Variants in NYAP2 observed in about 807,000 individuals in gnomAD.
NYAP2 encodes neuronal tyrosine-phosphorylated phosphoinositide-3-kinase adaptor 2, also known as neuronal tyrosine-phosphorylated phosphoinositide-3-kinase adapter 2.
A neutral mutation model predicts 50.4 loss-of-function variants in NYAP2; 23 were observed. The ratio of observed to expected loss-of-function variants is 0.46; its 90% confidence interval spans 0.33 to 0.65. The LOEUF (loss-of-function observed/expected upper bound fraction) is 0.65, where lower values mean the gene tolerates loss of function less well. Among genes scored for constraint, NYAP2 ranks in the 30% least tolerant of loss-of-function variants. The pLI is 0.02. For synonymous variants in NYAP2, 394 were observed against 365.2 expected, an observed-to-expected ratio of 1.08 and a Z score of -0.90; for missense variants, 885 against 861.0, an observed-to-expected ratio of 1.03 and a Z score of -0.35.
chr2:225,407,408 C>T (rs6743536), intron 2 of NYAP2, among the ~76,000 whole-genome samples: 120,269 of 151,830 alleles, frequency 0.79, 47,868 homozygotes, highest in Non-Finnish European at 0.82. Flanking sequence ...CAAGAGTCAA[C>T]AAACAACCTT....
chr2:225,651,468 C>T (rs750337241), exon 7 of NYAP2: 3 of 1,614,000 alleles, frequency 1.9e-6, no homozygotes, highest in East Asian at 2.2e-5. Flanking sequence ...CGGTCTGCGT[C>T]GACGTCAGGT....
At chr2:225,460,961 C>G (rs1033415129) in intron 3 of NYAP2, among the ~76,000 whole-genome samples, 1 of 146,884 alleles carries the variant, frequency 6.8e-6, no homozygotes, top group African/African-American at 2.6e-5. Flanking sequence ...CCACTGCACT[C>G]CTGCCTGAGC....
chr2:225,671,684 C>A, the NYAP2 span, among the ~76,000 whole-genome samples: 1 of 151,992 alleles, frequency 6.6e-6, no homozygotes, highest in South Asian at 2.1e-4. Context: ...CTTTTTTTTA[C>A]CAAATTTATC....
At chr2:225,544,745 G>A in intron 4 of NYAP2, among the ~76,000 whole-genome samples, 1 of 152,020 alleles carries the variant, frequency 6.6e-6, no homozygotes, top group African/African-American at 2.4e-5. Context: ...ATAATATTCT[G>A]TGTTTTTCTA....
chr2:225,464,524 G>A (rs1689884747), intron 3 of NYAP2, among the ~76,000 whole-genome samples: 1 of 152,198 alleles, frequency 6.6e-6, no homozygotes, highest in Non-Finnish European at 1.5e-5. Context: ...TCAGTAGGGA[G>A]GGATGGTGAC....
chr2:225,415,587 T>G (rs1268437640), intron 3 of NYAP2, among the ~76,000 whole-genome samples: 2 of 152,162 alleles, frequency 1.3e-5, no homozygotes, highest in Non-Finnish European at 2.9e-5. Context: ...TGAAGTGCAT[T>G]TTTGTGAATG....
chr2:225,512,835 CTCTT>C (rs869150087), intron 3 of NYAP2, among the ~76,000 whole-genome samples: 67 of 58,810 alleles, frequency 1.1e-3, no homozygotes, highest in Non-Finnish European at 1.6e-3. Flanking sequence ...CTCTCTCTCT[CTCTT>C]TCTTTCTTTC....
intron 5 of NYAP2, among the ~76,000 whole-genome samples, chr2:225,596,960 A>G (rs1205711379): frequency 1.3e-5 from 2 of 152,146 alleles, no homozygotes; most frequent in African/African-American, 4.8e-5. Context: ...ATAAAAGTGT[A>G]CCTTCATTTT....
At chr2:225,649,796 C>A (rs537312390) in intron 6 of NYAP2, among the ~76,000 whole-genome samples, 5 of 152,116 alleles carry the variant, frequency 3.3e-5, no homozygotes, top group Non-Finnish European at 7.4e-5. Flanking sequence ...TACATAGATG[C>A]CGAATGTTGA....
intron 4 of NYAP2, among the ~76,000 whole-genome samples, chr2:225,544,937 G>T (rs1456428703): frequency 6.6e-6 from 1 of 152,066 alleles, no homozygotes; most frequent in Non-Finnish European, 1.5e-5. Context: ...ATGCTTGAAG[G>T]ATATTTTTGC....
At chr2:225,477,780 C>A (rs1255991158) in intron 3 of NYAP2, among the ~76,000 whole-genome samples, 1 of 152,070 alleles carries the variant, frequency 6.6e-6, no homozygotes, top group Non-Finnish European at 1.5e-5. Flanking sequence ...TATACATACA[C>A]ATGTATATCT....
intron 6 of NYAP2, among the ~76,000 whole-genome samples, chr2:225,637,716 C>A (rs1242089487): frequency 1.3e-5 from 2 of 152,166 alleles, no homozygotes; most frequent in Admixed American, 1.3e-4. Flanking sequence ...GTGACTTCTG[C>A]TGGCTAGAAT....
At chr2:225,530,280 C>T (rs561255176) in intron 4 of NYAP2, among the ~76,000 whole-genome samples, 5 of 152,166 alleles carry the variant, frequency 3.3e-5, no homozygotes, top group East Asian at 1.9e-4. Flanking sequence ...TTCAGGCCAC[C>T]GTCCTGCATC....
intron 4 of NYAP2, among the ~76,000 whole-genome samples, chr2:225,572,340 G>T (rs1275024234): frequency 2.0e-5 from 3 of 152,182 alleles, no homozygotes; most frequent in African/African-American, 7.2e-5. Context: ...GCCTGAGACT[G>T]GGTAATTTAT....
At chr2:225,632,487 G>A (rs771524699) in intron 6 of NYAP2, among the ~76,000 whole-genome samples, 6 of 152,198 alleles carry the variant, frequency 3.9e-5, no homozygotes, top group Non-Finnish European at 8.8e-5. Context: ...TGAAATGGTT[G>A]TTCTTAACAG....
chr2:225,654,829 G>A (rs560487205), downstream of NYAP2, among the ~76,000 whole-genome samples: 199 of 152,278 alleles, frequency 1.3e-3, no homozygotes, highest in African/African-American at 4.6e-3. Context: ...ATTACCCTTC[G>A]TACAAAAAGA....
intron 6 of NYAP2, among the ~76,000 whole-genome samples, chr2:225,628,302 T>C (rs1426334333): frequency 6.7e-6 from 1 of 149,752 alleles, no homozygotes; most frequent in Non-Finnish European, 1.5e-5. Flanking sequence ...AAAAGAAACA[T>C]AGAGAACACA....
At chr2:225,536,931 A>C (rs937468637) in intron 4 of NYAP2, among the ~76,000 whole-genome samples, 1 of 151,756 alleles carries the variant, frequency 6.6e-6, no homozygotes, top group African/African-American at 2.4e-5. Context: ...AGTGCCCGCC[A>C]CCACGCCCGG....
rs1354365074 is a variant in NYAP2, at chr2:225,486,598, A to T, written c.222-26773A>T. Reference sequence around the variant, plus strand: ...TGGAGAAATTTGTGTCTCATAAATAACCTCTGAAATAACCTCCGGGTTTGT... The same window carrying T: ...TGGAGAAATTTGTGTCTCATAAATATCCTCTGAAATAACCTCCGGGTTTGT... On this transcript the variant is annotated intron_variant, in intron 3 of 6. Transcript: ENST00000636099. Among the ~76,000 whole-genome samples, 3 of 151,992 alleles carry T rather than the reference A, an allele frequency of 2.0e-5. No individual in the cohort carries two copies. The East Asian group carries it at 5.8e-4, about 29-fold the overall frequency.
Sources: gnomAD v4.1 joint callset for allele counts (sites outside exome capture counted in the v4.1 genomes callset) on GRCh38, gnomAD v4.1.1 for gene constraint, MANE v1.5 for transcripts, NCBI Gene and HGNC (gene_info 2026-07-23, HGNC 2026-07-21) for gene names.